SPOCK1: variants seen among roughly 807,000 people sequenced by gnomAD.
SPOCK1 encodes testican-1.
SPOCK1 carries 23 observed loss-of-function variants against 55.3 expected under a neutral mutation model. The observed-to-expected ratio is 0.42, with a 90% CI of 0.30 to 0.59. The LOEUF is 0.59. Among genes scored for constraint, SPOCK1 ranks in the 20% least tolerant of loss-of-function variants. SPOCK1 has a pLI of 0.22. For missense variants in SPOCK1, 499 were observed against 552.5 expected (o/e 0.90, Z 0.97); for synonymous variants, 226 against 221.0 (o/e 1.02, Z -0.20).
chr5:137,060,042 A>G (rs924012255), intron 6 of SPOCK1, among the ~76,000 whole-genome samples: 8 of 152,192 alleles, frequency 5.3e-5, no homozygotes, highest in African/African-American at 1.7e-4. Context: ...CTATTTGGCA[A>G]TTTCTCAAAG....
At chr5:137,255,316 A>G (rs1236779358) in intron 3 of SPOCK1, among the ~76,000 whole-genome samples, 1 of 152,214 alleles carries the variant, frequency 6.6e-6, no homozygotes, top group Non-Finnish European at 1.5e-5. Flanking sequence ...TCATGGGAAC[A>G]TAGTGCTCTG....
At chr5:136,990,003 C>T (rs574393704) in intron 7 of SPOCK1, among the ~76,000 whole-genome samples, 5 of 152,148 alleles carry the variant, frequency 3.3e-5, no homozygotes, top group South Asian at 2.1e-4. Context: ...CTCTGCCTCC[C>T]GGGTTCGCAC....
intron 2 of SPOCK1, among the ~76,000 whole-genome samples, chr5:137,289,644 C>A (rs1352405382): frequency 6.6e-6 from 1 of 152,088 alleles, no homozygotes; most frequent in Non-Finnish European, 1.5e-5. Context: ...TTTCCCAGAT[C>A]TTGCTTTAAA....
chr5:137,474,174 A>G (rs562928700), intron 2 of SPOCK1, among the ~76,000 whole-genome samples: 4 of 152,280 alleles, frequency 2.6e-5, no homozygotes, highest in Admixed American at 1.3e-4. Flanking sequence ...AACCACCACT[A>G]AAGAAGTTAC....
At position 137,143,661 on chromosome 5, in the gene SPOCK1, G is replaced by GT. The variant is rs1050978882; in HGVS notation, c.233-2968dup. On this transcript the variant is annotated intron_variant, in intron 3 of 10. Transcript: ENST00000394945. ...TAAGCACCTCATATGTGTTTATTAA[G>GT]TTTTTTGTGTTTGTCTTTTTTCCCA... Among the ~76,000 whole-genome samples the GT allele has an allele frequency of 3.9e-5, 6 of 152,286 alleles. No homozygotes were observed. The South Asian group carries it at 1.2e-3, about 32-fold the overall frequency.
chr5:137,004,265 A>C (rs1640617396), intron 6 of SPOCK1, among the ~76,000 whole-genome samples: 1 of 152,184 alleles, frequency 6.6e-6, no homozygotes, highest in Non-Finnish European at 1.5e-5. Flanking sequence ...TCCAGTGAAC[A>C]AGCTGATGAA....
At chr5:137,009,450 A>G (rs1023313734) in intron 6 of SPOCK1, among the ~76,000 whole-genome samples, 3 of 152,204 alleles carry the variant, frequency 2.0e-5, no homozygotes, top group Non-Finnish European at 4.4e-5. Flanking sequence ...ATTCTATACT[A>G]TATATGTGTT....
chr5:136,996,908 G>A (rs1751053016), intron 6 of SPOCK1, among the ~76,000 whole-genome samples: 1 of 152,080 alleles, frequency 6.6e-6, no homozygotes, highest in Non-Finnish European at 1.5e-5. Flanking sequence ...TGGAAACTTC[G>A]TTCTTTTGCT....
Position 137,168,957 on chromosome 5 carries a change from C to T in SPOCK1, c.233-28263G>A, listed in dbSNP as rs566732811. Among the ~76,000 whole-genome samples, 186 of 152,176 alleles carry T rather than the reference C, an allele frequency of 1.2e-3. No homozygotes were observed. The Middle Eastern group carries it at 0.02, about 17-fold the overall frequency. ...ATTTGAAAGCAACCTAAGTGTCTAT[C>T]GACAGATGAATGAACAAAGAAAACA... On this transcript the variant is annotated intron_variant, in intron 3 of 10. Transcript: ENST00000394945.
chr5:137,337,189 C>G (rs1750299518), intron 2 of SPOCK1, among the ~76,000 whole-genome samples: 1 of 152,034 alleles, frequency 6.6e-6, no homozygotes, highest in Non-Finnish European at 1.5e-5. Flanking sequence ...AAGGCAGAAG[C>G]AAAAAAGTAC....
chr5:137,327,314 T>C (rs1394058491), intron 2 of SPOCK1, among the ~76,000 whole-genome samples: 1 of 152,244 alleles, frequency 6.6e-6, no homozygotes, highest in Non-Finnish European at 1.5e-5. Context: ...AAACTGATGT[T>C]ACCAAAAACT....
chr5:137,458,538 C>T (rs1298547339), intron 2 of SPOCK1, among the ~76,000 whole-genome samples: 1 of 152,198 alleles, frequency 6.6e-6, no homozygotes, highest in African/African-American at 2.4e-5. Context: ...TTGACCTTCA[C>T]TCAAGCTTTT....
At chr5:137,341,168 G>C (rs1473714298) in intron 2 of SPOCK1, among the ~76,000 whole-genome samples, 1 of 152,248 alleles carries the variant, frequency 6.6e-6, no homozygotes, top group Admixed American at 6.5e-5. Context: ...CAAGCATTAT[G>C]TTCTGCACGC....
chr5:137,303,352 T>C (rs1757640772), intron 2 of SPOCK1, among the ~76,000 whole-genome samples: 1 of 152,056 alleles, frequency 6.6e-6, no homozygotes. Context: ...GGAGGCAAGA[T>C]ACTAGATGCC....
intron 5 of SPOCK1, among the ~76,000 whole-genome samples, chr5:137,081,175 A>G (rs866020842): frequency 1.3e-5 from 2 of 152,176 alleles, no homozygotes; most frequent in African/African-American, 2.4e-5. Context: ...CATAACTAAC[A>G]CACTGTAGAG....
intron 3 of SPOCK1, among the ~76,000 whole-genome samples, chr5:137,209,431 G>A (rs1178933561): frequency 6.6e-6 from 1 of 152,200 alleles, no homozygotes; most frequent in East Asian, 1.9e-4. Context: ...GCTCTGATAT[G>A]ACTCAAACTA....
chr5:137,440,892 A>T (rs1486611128), intron 2 of SPOCK1, among the ~76,000 whole-genome samples: 2 of 152,242 alleles, frequency 1.3e-5, no homozygotes, highest in Non-Finnish European at 2.9e-5. Context: ...TCCTGCTGAG[A>T]GAGCAAGCAA....
intron 2 of SPOCK1, among the ~76,000 whole-genome samples, chr5:137,320,976 A>G (rs1352259027): frequency 6.6e-6 from 1 of 152,250 alleles, no homozygotes; most frequent in Non-Finnish European, 1.5e-5. Context: ...CACCATAAAG[A>G]TGCTTAACAA....
chr5:137,082,507 C>T (rs529896784), intron 5 of SPOCK1, among the ~76,000 whole-genome samples: 31 of 152,296 alleles, frequency 2.0e-4, no homozygotes, highest in African/African-American at 7.2e-4. Flanking sequence ...GATACAGACG[C>T]AGGCATTCAG....
Sources: allele counts gnomAD v4.1 joint callset (sites outside exome capture counted in the v4.1 genomes callset), GRCh38; gene constraint gnomAD v4.1.1; transcripts MANE v1.5; gene names NCBI Gene and HGNC (gene_info 2026-07-23, HGNC 2026-07-21).